The following SUGCT variants were observed in gnomAD, a reference collection of about 807,000 sequenced individuals.
SUGCT encodes the protein succinyl-CoA:glutarate CoA-transferase.
A neutral mutation model predicts 55.0 loss-of-function variants in SUGCT; 41 were observed. The ratio of observed to expected loss-of-function variants is 0.74; its 90% confidence interval spans 0.58 to 0.97. The LOEUF (loss-of-function observed/expected upper bound fraction) is 0.97. Among genes scored for constraint, SUGCT ranks in the 50% least tolerant of loss-of-function variants. The pLI is 0.00. For missense variants in SUGCT, 568 were observed against 547.8 expected (o/e 1.04, Z -0.37); for synonymous variants, 187 against 200.4 (o/e 0.93, Z 0.56).
intron 12 of SUGCT, among the ~76,000 whole-genome samples, chr7:40,508,048 C>T (rs1055792698): frequency 4.6e-5 from 7 of 152,300 alleles, no homozygotes; most frequent in Non-Finnish European, 4.4e-5. Context: ...ATAGCCTCCT[C>T]AGGCAGAGCT....
At chr7:40,495,101 AG>A (rs1791897377) in intron 11 of SUGCT, among the ~76,000 whole-genome samples, 1 of 151,854 alleles carries the variant, frequency 6.6e-6, no homozygotes, top group African/African-American at 2.4e-5. Context: ...TAGTAGAGAC[AG>A]GGTTTCACCA....
intron 12 of SUGCT, among the ~76,000 whole-genome samples, chr7:40,641,904 T>C (rs1172822611): frequency 6.6e-6 from 1 of 152,164 alleles, no homozygotes; most frequent in Non-Finnish European, 1.5e-5. Flanking sequence ...GAGCCAGTTA[T>C]ACCACAAAAC....
intron 12 of SUGCT, among the ~76,000 whole-genome samples, chr7:40,674,934 C>G (rs1234002023): frequency 6.6e-6 from 1 of 151,822 alleles, no homozygotes; most frequent in Admixed American, 6.6e-5. Flanking sequence ...TTTGATTGAA[C>G]CTAGTCTACT....
At chr7:40,170,791 G>A (rs957737481) in intron 1 of SUGCT, among the ~76,000 whole-genome samples, 6 of 151,942 alleles carry the variant, frequency 3.9e-5, no homozygotes, top group Admixed American at 6.6e-5. Context: ...TTTCCAGGGT[G>A]CATAACCACC....
chr7:40,613,413 T>G (rs1798854644), intron 12 of SUGCT, among the ~76,000 whole-genome samples: 1 of 152,188 alleles, frequency 6.6e-6, no homozygotes, highest in African/African-American at 2.4e-5. Context: ...TAGACTTCAC[T>G]TAGCTCCATC....
chr7:41,017,737 C>T, the SUGCT span, among the ~76,000 whole-genome samples: 1 of 148,510 alleles, frequency 6.7e-6, no homozygotes, highest in African/African-American at 2.5e-5. Flanking sequence ...CACCACTGTG[C>T]TCCAGCCTGG....
chr7:40,512,277 C>T (rs1273176863), intron 12 of SUGCT, among the ~76,000 whole-genome samples: 2 of 152,260 alleles, frequency 1.3e-5, no homozygotes, highest in Middle Eastern at 3.4e-3. Flanking sequence ...GGTGGAGGTT[C>T]TCAAATACAT....
At chr7:40,911,789 G>A in the SUGCT span, among the ~76,000 whole-genome samples, 1 of 152,180 alleles carries the variant, frequency 6.6e-6, no homozygotes, top group African/African-American at 2.4e-5. Flanking sequence ...TCGGTATAAA[G>A]GAACCATGAA....
chr7:40,926,346 C>T, the SUGCT span, among the ~76,000 whole-genome samples: 1 of 151,866 alleles, frequency 6.6e-6, no homozygotes, highest in African/African-American at 2.4e-5. Flanking sequence ...TTCAGTGAAA[C>T]ATCCACAAAA....
chr7:40,438,240 G>A (rs1788281135), intron 9 of SUGCT, among the ~76,000 whole-genome samples: 1 of 152,080 alleles, frequency 6.6e-6, no homozygotes, highest in Non-Finnish European at 1.5e-5. Context: ...CTGCACTTCT[G>A]TATCTTATAT....
intron 1 of SUGCT, among the ~76,000 whole-genome samples, chr7:40,147,125 C>T (rs1336251658): frequency 6.6e-6 from 1 of 151,908 alleles, no homozygotes; most frequent in South Asian, 2.1e-4. Context: ...CTGCCTCTGC[C>T]AGCCGCTTAT....
chr7:40,928,313 C>G, the SUGCT span, among the ~76,000 whole-genome samples: 2 of 151,998 alleles, frequency 1.3e-5, no homozygotes, highest in African/African-American at 4.8e-5. Flanking sequence ...ATCTATTTAG[C>G]TTATCTCTTC....
At chr7:40,269,159 A>G (rs1321240647) in intron 7 of SUGCT, among the ~76,000 whole-genome samples, 1 of 152,070 alleles carries the variant, frequency 6.6e-6, no homozygotes. Context: ...GTGAAGTAGT[A>G]TTTCACTGTG....
chr7:40,435,950 T>TTTTCTTTTC (rs1371019511), intron 9 of SUGCT, among the ~76,000 whole-genome samples: 5 of 91,776 alleles, frequency 5.4e-5, no homozygotes, highest in African/African-American at 1.4e-4. Flanking sequence ...CTTTTCTTTT[T>TTTTCTTTTC]TTTTTTTTTT....
At chr7:40,772,844 C>G (rs1417734926) in intron 13 of SUGCT, among the ~76,000 whole-genome samples, 1 of 151,920 alleles carries the variant, frequency 6.6e-6, no homozygotes, top group South Asian at 2.1e-4. Context: ...AGGCTGGTCT[C>G]GAACTCCTGG....
intron 9 of SUGCT, among the ~76,000 whole-genome samples, chr7:40,363,228 G>A (rs1482480971): frequency 4.6e-5 from 7 of 151,252 alleles, no homozygotes; most frequent in Admixed American, 1.3e-4. Flanking sequence ...TCTTGCTAGC[G>A]GTCTATCAAT....
At chr7:40,518,309 C>A (rs1793354223) in intron 12 of SUGCT, among the ~76,000 whole-genome samples, 2 of 152,150 alleles carry the variant, frequency 1.3e-5, no homozygotes, top group South Asian at 4.1e-4. Context: ...TACATCCAAA[C>A]AATGTCTTCC....
chr7:40,503,838 C>G (rs950532732), intron 12 of SUGCT, among the ~76,000 whole-genome samples: 1 of 152,110 alleles, frequency 6.6e-6, no homozygotes, highest in East Asian at 1.9e-4. Context: ...AAGTACATAT[C>G]GGTATGATAA....
the SUGCT span, among the ~76,000 whole-genome samples, chr7:40,950,187 G>A: frequency 6.6e-6 from 1 of 152,054 alleles, no homozygotes; most frequent in Non-Finnish European, 1.5e-5. Flanking sequence ...TTGTAAGTTG[G>A]ATTCCTAGAT....
Sources: gnomAD v4.1 joint callset for allele counts (sites outside exome capture counted in the v4.1 genomes callset) on GRCh38, gnomAD v4.1.1 for gene constraint, MANE v1.5 for transcripts, NCBI Gene and HGNC (gene_info 2026-07-23, HGNC 2026-07-21) for gene names.